The following KIAA1217 variants were observed in gnomAD, a reference collection of about 807,000 sequenced individuals.
KIAA1217 encodes the protein KIAA1217, also known as sickle tail protein homolog.
In KIAA1217, 88 loss-of-function variants were observed where a neutral mutation model predicts 163.9. That is an observed-to-expected ratio of 0.54 (90% CI 0.45 to 0.64). The LOEUF is 0.64. KIAA1217 is among the 30% of genes least tolerant of loss of function. KIAA1217 has a pLI of 0.00. For missense variants in KIAA1217, 2,372 were observed against 2,475.0 expected, an observed-to-expected ratio of 0.96 and a Z score of 0.88; for synonymous variants, 903 against 923.1, an observed-to-expected ratio of 0.98 and a Z score of 0.39.
chr10:24,109,903 T>C (rs2062779074), intron 2 of KIAA1217, among the ~76,000 whole-genome samples: 1 of 152,238 alleles, frequency 6.6e-6, no homozygotes, highest in African/African-American at 2.4e-5. Context: ...TCTCGCTCTG[T>C]TGCCCAGGCA....
chr10:24,528,022 G>A lies in KIAA1217; in HGVS notation c.2985G>A (p.Gln995=). The change falls in exon 14 of 21, where the codon CAG becomes CAA. Residue 995 remains glutamine (Q), a synonymous_variant. Coordinates refer to ENST00000376454, the MANE Select transcript of KIAA1217 (RefSeq NM_019590.5). The part of the protein sequence containing the change: ...KEFEKLLEEA[Q]ANIMKSIPNL... ...TTGAGAAGCTCCTAGAAGAAGCTCA[G>A]GCCAATATCATGAAGTCAATACCAA... 6.2e-7 allele frequency: 1 copy of A among 1,614,176 alleles called. No individual in the cohort carries two copies. Among genetic ancestry groups the A allele is most frequent in the Non-Finnish European group, 8.5e-7 (1 of 1,180,028 alleles).
At chr10:23,735,047 T>A (rs1243846919) in intron 1 of KIAA1217, among the ~76,000 whole-genome samples, 1 of 152,090 alleles carries the variant, frequency 6.6e-6, no homozygotes, top group Non-Finnish European at 1.5e-5. Flanking sequence ...TTGATAAACA[T>A]TTGAGTTTAA....
intron 1 of KIAA1217, among the ~76,000 whole-genome samples, chr10:23,959,911 CT>C (rs1326171008): frequency 0.023 from 2,475 of 106,266 alleles, 11 homozygotes; most frequent in South Asian, 0.031. Context: ...TCATAGACTT[CT>C]TTTTTTTTTT....
chr10:24,256,561 C>G (rs1468710865), intron 2 of KIAA1217, among the ~76,000 whole-genome samples: 1 of 152,088 alleles, frequency 6.6e-6, no homozygotes. Flanking sequence ...GCACAGTCCC[C>G]ACATTTGAAG....
chr10:24,220,446 CTTTTTTTTTTT>C (rs530992369), intron 2 of KIAA1217, among the ~76,000 whole-genome samples: 9 of 103,102 alleles, frequency 8.7e-5, no homozygotes, highest in East Asian at 5.1e-4. Context: ...TTCTGCTCTT[CTTTTTTTTTTT>C]TTTTTTTTTT....
chr10:24,227,111 A>G (rs2070675915), intron 2 of KIAA1217, among the ~76,000 whole-genome samples: 2 of 151,200 alleles, frequency 1.3e-5, no homozygotes, highest in Admixed American at 6.6e-5. Flanking sequence ...AAAATCTGAC[A>G]TGTCCAACAA....
chr10:24,161,426 G>A (rs558948226), intron 2 of KIAA1217, among the ~76,000 whole-genome samples: 21 of 152,108 alleles, frequency 1.4e-4, no homozygotes, highest in Admixed American at 2.6e-4. Flanking sequence ...AGATGATCTG[G>A]TCCAACCTTC....
At chr10:24,294,377 T>C (rs1320666791) in intron 2 of KIAA1217, among the ~76,000 whole-genome samples, 1 of 152,070 alleles carries the variant, frequency 6.6e-6, no homozygotes, top group African/African-American at 2.4e-5. Context: ...AGACATCTAA[T>C]TCTTTCAACA....
At chr10:24,145,662 C>A (rs1338014582) in intron 2 of KIAA1217, among the ~76,000 whole-genome samples, 1 of 152,148 alleles carries the variant, frequency 6.6e-6, no homozygotes, top group Non-Finnish European at 1.5e-5. Flanking sequence ...AGTCTGAGTC[C>A]CAAAACCTCA....
At chr10:24,194,715 C>T (rs1298769458) in intron 2 of KIAA1217, among the ~76,000 whole-genome samples, 1 of 150,276 alleles carries the variant, frequency 6.7e-6, no homozygotes, top group African/African-American at 2.5e-5. Context: ...TCTGCAGTAG[C>T]TGGGACTATA....
At chr10:24,330,552 G>T (rs756771190) in intron 2 of KIAA1217, among the ~76,000 whole-genome samples, 5 of 152,138 alleles carry the variant, frequency 3.3e-5, no homozygotes, top group Non-Finnish European at 2.9e-5. Flanking sequence ...GACCTTGGAG[G>T]TATCAGGGGT....
chr10:23,785,834 A>C (rs1835467512), intron 1 of KIAA1217, among the ~76,000 whole-genome samples: 1 of 152,152 alleles, frequency 6.6e-6, no homozygotes, highest in Non-Finnish European at 1.5e-5. Flanking sequence ...GCTGGAGTAA[A>C]AGAGTTGAGG....
intron 3 of KIAA1217, among the ~76,000 whole-genome samples, chr10:24,382,806 T>C (rs2053479025): frequency 6.6e-6 from 1 of 151,488 alleles, no homozygotes; most frequent in African/African-American, 2.4e-5. Context: ...AGGCTGGGGC[T>C]TTCTGTGTGG....
At chr10:24,449,218 T>C (rs1418323755) in intron 5 of KIAA1217, among the ~76,000 whole-genome samples, 1 of 152,196 alleles carries the variant, frequency 6.6e-6, no homozygotes, top group African/African-American at 2.4e-5. Context: ...TAAAGTCTTA[T>C]TTTTTAGAAG....
intron 2 of KIAA1217, among the ~76,000 whole-genome samples, chr10:24,076,907 C>G (rs1007169701): frequency 5.5e-5 from 8 of 146,132 alleles, no homozygotes; most frequent in African/African-American, 7.5e-5. Flanking sequence ...GATGGAGCCT[C>G]ATTCTATTGC....
intron 1 of KIAA1217, among the ~76,000 whole-genome samples, chr10:23,852,242 G>C (rs549110894): frequency 2.0e-5 from 3 of 152,272 alleles, no homozygotes; most frequent in Non-Finnish European, 2.9e-5. Context: ...TGGCTAGCCA[G>C]TTTTCCCAGC....
chr10:24,544,467 T>G lies in KIAA1217; in HGVS notation c.5197T>G (p.Ser1733Ala). The G allele has an allele frequency of 6.2e-7, 1 of 1,611,322 alleles. No individual in the cohort carries two copies. The highest frequency in any genetic ancestry group is 8.5e-7 in the Non-Finnish European group (1 of 1,178,290). Residue 1733 changes from serine (S) to alanine (A), a missense_variant, in exon 19 of 21, where the codon TCA becomes GCA. Physicochemically the swap from Ser to Ala is moderately conservative, Grantham distance 99 (BLOSUM62 1). Around this residue, in one of 3 missense-constraint regions of KIAA1217, gnomAD observed 690 missense variants for 677.5 expected, o/e 1.02. Transcript: ENST00000376454. ...TALEPPTSIP[S>A]ASRKGSSGAP... ...CCTAGAGCCCCCTACGTCGATACCTTCAGCTTCACGTAAGGTATCTTGGTC... is the reference window on the plus strand; with the variant it reads ...CCTAGAGCCCCCTACGTCGATACCTGCAGCTTCACGTAAGGTATCTTGGTC...
intron 2 of KIAA1217, among the ~76,000 whole-genome samples, chr10:24,380,297 C>T (rs2053114415): frequency 6.6e-6 from 1 of 152,084 alleles, no homozygotes; most frequent in African/African-American, 2.4e-5. Flanking sequence ...CCTCAACTCC[C>T]TGTTCAAAAT....
chr10:24,445,193 G>C (rs890100715), intron 5 of KIAA1217, among the ~76,000 whole-genome samples: 2 of 152,060 alleles, frequency 1.3e-5, no homozygotes, highest in African/African-American at 4.8e-5. Context: ...AGCCAAAGAG[G>C]TCTTTCCCAA....
Sources: gnomAD v4.1 joint callset for allele counts (sites outside exome capture counted in the v4.1 genomes callset) on GRCh38, gnomAD v4.1.1 for gene constraint, gnomAD v4.1.1 regional missense constraint, MANE v1.5 for transcripts, NCBI Gene and HGNC (gene_info 2026-07-23, HGNC 2026-07-21) for gene names.